The following BCAR3 variants were observed in gnomAD, a reference collection of about 807,000 sequenced individuals.
BCAR3 encodes BCAR3 adaptor protein, NSP family member.
Under a neutral mutation model 80.1 loss-of-function variants are expected in BCAR3, and 37 were observed. That is an observed-to-expected ratio of 0.46 (90% CI 0.36 to 0.61). The LOEUF (loss-of-function observed/expected upper bound fraction) is 0.61. Among genes scored for constraint, BCAR3 ranks in the 20% least tolerant of loss-of-function variants. The pLI is 0.00. For missense variants in BCAR3, 978 were observed against 1,068.2 expected (o/e 0.92, Z 1.18); for synonymous variants, 389 against 418.9 (o/e 0.93, Z 0.87).
intron 2 of BCAR3, among the ~76,000 whole-genome samples, chr1:93,664,445 G>A (rs1049575689): frequency 2.6e-5 from 4 of 152,184 alleles, no homozygotes; most frequent in African/African-American, 7.2e-5. Flanking sequence ...ATGAGTCAGT[G>A]TCTATCTTAT....
intron 2 of BCAR3, among the ~76,000 whole-genome samples, chr1:93,732,447 T>C (rs1203330139): frequency 6.6e-6 from 1 of 151,966 alleles, no homozygotes; most frequent in East Asian, 1.9e-4. Flanking sequence ...AAACCCTGTC[T>C]CTACAAAAAA....
chr1:93,640,794 T>C (rs1013562615), intron 3 of BCAR3, among the ~76,000 whole-genome samples: 1 of 152,202 alleles, frequency 6.6e-6, no homozygotes, highest in Admixed American at 6.5e-5. Context: ...TAGACTTTTG[T>C]AAAAGAAAAA....
At chr1:93,762,805 ACT>A (rs144606424) in intron 2 of BCAR3, among the ~76,000 whole-genome samples, 1 of 146,412 alleles carries the variant, frequency 6.8e-6, no homozygotes, top group African/African-American at 2.5e-5. Context: ...TGCCTCACCC[ACT>A]CTCTCTCTCT....
In BCAR3 at chr1:93,817,809, C is replaced by T. The variant is rs141378933; in HGVS notation, c.-63+27758G>A. Among the ~76,000 whole-genome samples the T allele has an allele frequency of 2.6e-5, 4 of 152,338 alleles. No individual in the cohort carries two copies. The East Asian group carries it at 7.7e-4, about 29-fold the overall frequency. On this transcript the variant is annotated intron_variant, in intron 2 of 13. Coordinates refer to the BCAR3 transcript ENST00000370244. Reference sequence around the variant, plus strand: ...CTGTTTACCCCCCCACATCCCTGCCCAGCATCTTTGCAGTATTTTGCCCCA... The same window carrying T: ...CTGTTTACCCCCCCACATCCCTGCCTAGCATCTTTGCAGTATTTTGCCCCA...
At position 93,805,567 on chromosome 1, in the gene BCAR3, C is replaced by A. The variant is rs191214426; in HGVS notation, c.-63+40000G>T. On this transcript the variant is annotated intron_variant, in intron 2 of 13. Coordinates refer to the BCAR3 transcript ENST00000370244. ...GGGATTTGGAAGTCCAGAGTGAAGC[C>A]CTCTGCATTCCTGCCTTTAGGACCC... is the stretch of plus-strand genomic sequence containing the variant. 9.1e-5 allele frequency among the ~76,000 whole-genome samples: 9 copies of A among 98,722 alleles called. No homozygotes were observed. In the Admixed American group the frequency reaches 9.7e-4, roughly 11 times the overall value. The allele number at this position is 98,722 out of a possible 152,430, so 64.8% of individuals were successfully genotyped here.
At chr1:93,663,684 TTCTG>T (rs1412848746) in intron 2 of BCAR3, among the ~76,000 whole-genome samples, 1 of 152,188 alleles carries the variant, frequency 6.6e-6, no homozygotes, top group Admixed American at 6.5e-5. Context: ...GACCTGGCCT[TTCTG>T]TCTTTGAATC....
intron 2 of BCAR3, among the ~76,000 whole-genome samples, chr1:93,774,192 A>G (rs1273063667): frequency 6.6e-6 from 1 of 152,148 alleles, no homozygotes; most frequent in Non-Finnish European, 1.5e-5. Context: ...ATTATTTTAA[A>G]AAGGACAAGC....
At chr1:93,846,718 G>A (rs1571169667) in intron 1 of BCAR3, 1 of 363,478 alleles carries the variant, frequency 2.8e-6, no homozygotes, top group Non-Finnish European at 5.4e-6. Flanking sequence ...CACCCTCCCG[G>A]CTTCCGCCCA....
intron 2 of BCAR3, among the ~76,000 whole-genome samples, chr1:93,735,108 A>G: frequency 6.6e-6 from 1 of 152,190 alleles, no homozygotes; most frequent in Middle Eastern, 3.2e-3. Flanking sequence ...GACACATAAC[A>G]GGGCTCAGTA....
chr1:93,593,501 T>C (rs545382707), intron 3 of BCAR3, among the ~76,000 whole-genome samples: 15 of 151,950 alleles, frequency 9.9e-5, no homozygotes, highest in Non-Finnish European at 2.1e-4. Flanking sequence ...CCCTGGTAGC[T>C]AGGACTACAA....
intron 2 of BCAR3, among the ~76,000 whole-genome samples, chr1:93,671,416 T>C (rs554639460): frequency 4.9e-4 from 74 of 152,228 alleles, no homozygotes; most frequent in Non-Finnish European, 9.1e-4. Flanking sequence ...CTGAGCAAGA[T>C]AGAGGAGGCA....
intron 3 of BCAR3, among the ~76,000 whole-genome samples, chr1:93,607,930 T>C (rs1296191155): frequency 3.3e-5 from 5 of 152,176 alleles, no homozygotes. Context: ...AATGTTCACC[T>C]CTGTCTTCCC....
At chr1:93,562,985 T>A (rs1672765173) in intron 11 of BCAR3, among the ~76,000 whole-genome samples, 1 of 152,078 alleles carries the variant, frequency 6.6e-6, no homozygotes, top group South Asian at 2.1e-4. Context: ...GTGAAATTGG[T>A]TTGTACAAAC....
At chr1:93,752,712 G>A (rs1456500544) in intron 2 of BCAR3, among the ~76,000 whole-genome samples, 1 of 152,216 alleles carries the variant, frequency 6.6e-6, no homozygotes, top group African/African-American at 2.4e-5. Context: ...TGTTGTCTGT[G>A]AGCCCAGTGA....
At chr1:93,846,630 C>A (rs1205113383) in intron 1 of BCAR3, among the ~76,000 whole-genome samples, 13 of 152,050 alleles carry the variant, frequency 8.5e-5, no homozygotes, top group Admixed American at 8.5e-4. Context: ...CAGGAAACCC[C>A]GCGGCCGCGC....
chr1:93,722,502 C>G (rs1296950788), intron 2 of BCAR3, among the ~76,000 whole-genome samples: 1 of 152,180 alleles, frequency 6.6e-6, no homozygotes, highest in Non-Finnish European at 1.5e-5. Flanking sequence ...CACTCTAAGC[C>G]GCAGGCAGCC....
intron 2 of BCAR3, among the ~76,000 whole-genome samples, chr1:93,786,020 C>G (rs1175158656): frequency 1.4e-5 from 2 of 141,212 alleles, no homozygotes; most frequent in African/African-American, 5.8e-5. Flanking sequence ...GGTGAAACCC[C>G]GTCTCTACTA....
chr1:93,664,836 T>C (rs977880845), intron 2 of BCAR3, among the ~76,000 whole-genome samples: 1 of 152,224 alleles, frequency 6.6e-6, no homozygotes, highest in African/African-American at 2.4e-5. Context: ...TCAGGCTGTC[T>C]AAGCTCAAAC....
At chr1:93,689,250 G>A (rs1649083539) in intron 3 of BCAR3, among the ~76,000 whole-genome samples, 1 of 152,070 alleles carries the variant, frequency 6.6e-6, no homozygotes, top group East Asian at 1.9e-4. Flanking sequence ...ACTTTGGGAG[G>A]TTGAGGCCAG....
Sources: allele counts gnomAD v4.1 joint callset (sites outside exome capture counted in the v4.1 genomes callset), GRCh38; gene constraint gnomAD v4.1.1; transcripts MANE v1.5; gene names NCBI Gene and HGNC (gene_info 2026-07-23, HGNC 2026-07-21).